The following CTNNBL1 variants were observed in gnomAD, a reference collection of about 807,000 sequenced individuals.
CTNNBL1 encodes the protein catenin beta like 1.
A neutral mutation model predicts 72.7 loss-of-function variants in CTNNBL1; 31 were observed. The ratio of observed to expected loss-of-function variants is 0.43; its 90% CI spans 0.32 to 0.58. The LOEUF (loss-of-function observed/expected upper bound fraction) is 0.58. Among genes scored for constraint, CTNNBL1 ranks in the 20% least tolerant of loss-of-function variants. CTNNBL1 has a pLI of 0.08. For missense variants in CTNNBL1, 534 were observed against 725.1 expected, an observed-to-expected ratio of 0.74 and a Z score of 3.03; for synonymous variants, 240 against 267.3, an observed-to-expected ratio of 0.90 and a Z score of 1.00.
At chr20:37,716,413 A>T (rs1307195696) in intron 1 of CTNNBL1, among the ~76,000 whole-genome samples, 1 of 152,200 alleles carries the variant, frequency 6.6e-6, no homozygotes, top group African/African-American at 2.4e-5. Context: ...CCACATGGCC[A>T]GGAGGTCAGA....
chr20:37,838,300 G>A (rs1473786752), intron 11 of CTNNBL1, among the ~76,000 whole-genome samples: 1 of 152,186 alleles, frequency 6.6e-6, no homozygotes, highest in African/African-American at 2.4e-5. Context: ...AGGGTGGAAG[G>A]AGAGGGACTT....
chr20:37,797,728 T>TTAC (rs1454455188), intron 10 of CTNNBL1, among the ~76,000 whole-genome samples: 1 of 152,162 alleles, frequency 6.6e-6, no homozygotes, highest in Non-Finnish European at 1.5e-5. Context: ...CCCATCCCTG[T>TTAC]TACTGTCCAA....
chr20:37,798,246 CAA>C (rs1015797854), intron 10 of CTNNBL1, among the ~76,000 whole-genome samples: 6 of 152,240 alleles, frequency 3.9e-5, no homozygotes, highest in Middle Eastern at 3.4e-3. Context: ...GTGTTTATAG[CAA>C]AAGTGTTTTT....
intron 15 of CTNNBL1, among the ~76,000 whole-genome samples, chr20:37,865,848 C>T (rs16986999): frequency 0.012 from 1,889 of 152,312 alleles, 40 homozygotes; most frequent in African/African-American, 0.043. Context: ...CACTGCTGGG[C>T]GAAAAGAATG....
Position 37,834,973 on chromosome 20 carries a change from T to A in CTNNBL1, c.1214-5129T>A, listed in dbSNP as rs143335415. On this transcript the variant is annotated intron_variant, in intron 11 of 15. Transcript: ENST00000361383. ...GGTGGCACTAAATCTTAGCTTTGAA[T>A]AAGAATTTGTCAAAACACAAATGTT... 7.3e-3 allele frequency among the ~76,000 whole-genome samples: 1,117 copies of A among 152,314 alleles called. 13 individuals are homozygous for A. The highest frequency in any genetic ancestry group is 0.025 in the African/African-American group (1,040 of 41,574).
intron 1 of CTNNBL1, among the ~76,000 whole-genome samples, chr20:37,728,082 T>A (rs2073099868): frequency 6.6e-6 from 1 of 152,214 alleles, no homozygotes; most frequent in East Asian, 1.9e-4. Context: ...TTTTAGCTTG[T>A]ATCAGGGAGC....
intron 1 of CTNNBL1, among the ~76,000 whole-genome samples, chr20:37,711,579 C>T (rs1386699808): frequency 6.8e-6 from 1 of 147,102 alleles, no homozygotes; most frequent in Non-Finnish European, 1.5e-5. Context: ...CAAACACATA[C>T]TAGATAAATA....
At chr20:37,704,498 T>C (rs933460722) in intron 1 of CTNNBL1, among the ~76,000 whole-genome samples, 20 of 151,926 alleles carry the variant, frequency 1.3e-4, no homozygotes, top group African/African-American at 4.8e-4. Flanking sequence ...GAGGATCTCT[T>C]GAGCTCAGGA....
chr20:37,748,847 G>A (rs1320876651), intron 4 of CTNNBL1, among the ~76,000 whole-genome samples: 2 of 152,208 alleles, frequency 1.3e-5, no homozygotes, highest in Admixed American at 6.5e-5. Flanking sequence ...ATTGGGGATA[G>A]GCTTCAACAT....
intron 11 of CTNNBL1, among the ~76,000 whole-genome samples, chr20:37,831,061 C>T (rs1487626665): frequency 6.6e-6 from 1 of 152,200 alleles, no homozygotes; most frequent in Non-Finnish European, 1.5e-5. Flanking sequence ...CCATAGAACC[C>T]CAAATTCTGG....
intron 15 of CTNNBL1, among the ~76,000 whole-genome samples, chr20:37,864,515 G>T (rs1189493095): frequency 1.4e-4 from 21 of 152,046 alleles, no homozygotes; most frequent in Admixed American, 1.3e-3. Flanking sequence ...TCTATTGGGG[G>T]TGCCAAGAGC....
chr20:37,748,025 C>T (rs554436306), intron 4 of CTNNBL1, among the ~76,000 whole-genome samples: 1 of 152,262 alleles, frequency 6.6e-6, no homozygotes, highest in South Asian at 2.1e-4. Flanking sequence ...TTTGATGTGC[C>T]TGTGGACAGG....
At chr20:37,718,958 C>T (rs1433342072) in intron 1 of CTNNBL1, among the ~76,000 whole-genome samples, 3 of 152,206 alleles carry the variant, frequency 2.0e-5, no homozygotes, top group Non-Finnish European at 4.4e-5. Flanking sequence ...AGTTCTATGG[C>T]TTCGGGCTCA....
chr20:37,862,531 A>G (rs1311999965), intron 15 of CTNNBL1, among the ~76,000 whole-genome samples: 1 of 152,070 alleles, frequency 6.6e-6, no homozygotes, highest in Non-Finnish European at 1.5e-5. Flanking sequence ...TCTCCCTCGG[A>G]TCCTGGTTTA....
At chr20:37,728,298 T>C (rs1196002719) in intron 1 of CTNNBL1, among the ~76,000 whole-genome samples, 1 of 152,246 alleles carries the variant, frequency 6.6e-6, no homozygotes, top group African/African-American at 2.4e-5. Flanking sequence ...AGATTACATG[T>C]TGAAATGATA....
chr20:37,871,975 G>C lies in CTNNBL1; in HGVS notation c.1654G>C (p.Glu552Gln). The C allele has an allele frequency of 6.2e-7, 1 of 1,614,112 alleles. No individual in the cohort carries two copies. Among genetic ancestry groups the C allele is most frequent in the African/African-American group, 1.3e-5 (1 of 75,024 alleles). The change falls in exon 16 of 16, where the codon GAG becomes CAG. Residue 552 changes from glutamate to glutamine, a missense_variant. Physicochemically the swap from Glu to Gln is conservative, Grantham distance 29. Transcript: ENST00000361383. ...DGRSPEFREN[E>Q]QKRILGLLEN... ...CCGGAGCCCGGAGTTCCGGGAGAAC[G>C]AGCAAAAGCGCATCCTGGGCTTGCT... is the stretch of plus-strand genomic sequence containing the variant.
chr20:37,849,283 A>G (rs1227601530), intron 13 of CTNNBL1, among the ~76,000 whole-genome samples: 9 of 152,198 alleles, frequency 5.9e-5, no homozygotes, highest in African/African-American at 1.7e-4. Flanking sequence ...TCATGTATGC[A>G]CTTCTCCACC....
rs376278870 is a variant in CTNNBL1 at position 37,778,989 on chromosome 20, C to CT, written c.883-188dup. Reference sequence around the variant, plus strand: ...CCCAGTGGTCAGTAGAGTGTTTTGGCTTTTTTTTTTGCATGTATTTAATAT... The same window carrying CT: ...CCCAGTGGTCAGTAGAGTGTTTTGGCTTTTTTTTTTTGCATGTATTTAATAT... On this transcript the variant is annotated intron_variant, in intron 9 of 15. Transcript: ENST00000361383. Among the ~76,000 whole-genome samples, 905 of 143,992 alleles carry CT rather than the reference C, an allele frequency of 6.3e-3. 13 individuals carry two copies. The highest frequency in any genetic ancestry group is 0.012 in the African/African-American group (477 of 39,462). 94.5% of individuals were successfully genotyped at this position (143,992 alleles called of 152,430 possible).
intron 10 of CTNNBL1, among the ~76,000 whole-genome samples, chr20:37,781,692 AC>A (rs1364545289): frequency 1.3e-5 from 2 of 152,098 alleles, no homozygotes; most frequent in Non-Finnish European, 2.9e-5. Flanking sequence ...TACTATAGTC[AC>A]CCTTTCTGAT....
Sources: gnomAD v4.1 joint callset for allele counts (sites outside exome capture counted in the v4.1 genomes callset) on GRCh38, gnomAD v4.1.1 for gene constraint, MANE v1.5 for transcripts, NCBI Gene and HGNC (gene_info 2026-07-23, HGNC 2026-07-21) for gene names.